The following ITGB5 variants were observed in gnomAD, a reference collection of about 807,000 sequenced individuals.
The protein encoded by ITGB5 is integrin beta-5.
ITGB5 carries 38 observed loss-of-function variants against 84.8 expected under a neutral mutation model. The observed-to-expected ratio is 0.45, with a 90% confidence interval of 0.35 to 0.59. The LOEUF is 0.59. ITGB5 is among the 20% of genes least tolerant of loss of function. The probability of loss-of-function intolerance (pLI) is 0.01; values close to 1 mark genes in which losing one functional copy is unlikely to be tolerated. For missense variants in ITGB5, 905 were observed against 1,034.5 expected (o/e 0.87, Z 1.72); for synonymous variants, 393 against 414.4 (o/e 0.95, Z 0.63).
At chr3:124,817,523 G>C (rs779865774) in intron 8 of ITGB5, 98 bp downstream of exon 8, 3 of 635,490 alleles carry the variant, frequency 4.7e-6, no homozygotes, top group Non-Finnish European at 8.3e-6. Flanking sequence ...AAGAAGAGCA[G>C]CACGGAGAAC....
chr3:124,875,837 AT>A (rs1242408770), intron 1 of ITGB5, among the ~76,000 whole-genome samples: 1 of 152,202 alleles, frequency 6.6e-6, no homozygotes, highest in Non-Finnish European at 1.5e-5. Context: ...AATTGAGAAA[AT>A]CCTGTCATTT....
At chr3:124,828,741 C>A (rs1294080191) in intron 5 of ITGB5, among the ~76,000 whole-genome samples, 4 of 152,190 alleles carry the variant, frequency 2.6e-5, no homozygotes, top group Non-Finnish European at 5.9e-5. Flanking sequence ...TGCTGGCCTC[C>A]CAAAGTGCTG....
intron 10 of ITGB5, among the ~76,000 whole-genome samples, chr3:124,775,145 C>T (rs2063905380): frequency 6.6e-6 from 1 of 152,118 alleles, no homozygotes; most frequent in African/African-American, 2.4e-5. Context: ...GCGGGGGCTG[C>T]CCCCACTCAG....
At chr3:124,794,325 C>G (rs2064190138) in intron 10 of ITGB5, among the ~76,000 whole-genome samples, 1 of 152,174 alleles carries the variant, frequency 6.6e-6, no homozygotes, top group Non-Finnish European at 1.5e-5. Context: ...AGTGTAAACT[C>G]CTGTGTTTAG....
chr3:124,825,426 A>T (rs9832902), intron 5 of ITGB5, among the ~76,000 whole-genome samples: 39 of 152,368 alleles, frequency 2.6e-4, no homozygotes, highest in Non-Finnish European at 3.8e-4. Context: ...ATTTGCAATC[A>T]TCATAAACTA....
chr3:124,864,878 G>T (rs916820947), intron 2 of ITGB5, among the ~76,000 whole-genome samples: 4 of 152,204 alleles, frequency 2.6e-5, no homozygotes, highest in African/African-American at 9.6e-5. Flanking sequence ...GTTCCAAGGG[G>T]AAGGGCCCTT....
intron 3 of ITGB5, among the ~76,000 whole-genome samples, chr3:124,852,131 T>TC (rs1308927088): frequency 6.6e-6 from 1 of 152,030 alleles, no homozygotes; most frequent in African/African-American, 2.4e-5. Flanking sequence ...AATCGCCACC[T>TC]CCCGCTGCCC....
chr3:124,841,879 C>T (rs1487203913), intron 4 of ITGB5, among the ~76,000 whole-genome samples: 1 of 152,114 alleles, frequency 6.6e-6, no homozygotes, highest in Non-Finnish European at 1.5e-5. Context: ...TATGTGGGAC[C>T]CGGGGTGTGG....
At chr3:124,890,193 T>A (rs895442566), upstream of ITGB5, among the ~76,000 whole-genome samples, 35 of 144,596 alleles carry the variant, frequency 2.4e-4, no homozygotes, top group Non-Finnish European at 3.9e-4. Context: ...AATTAGTACT[T>A]ATCTAGCTTT....
intron 4 of ITGB5, among the ~76,000 whole-genome samples, chr3:124,845,429 T>C (rs890885054): frequency 6.6e-6 from 1 of 152,262 alleles, no homozygotes; most frequent in African/African-American, 2.4e-5. Flanking sequence ...AGCCACAGTG[T>C]GCCCCCACGC....
chr3:124,797,222 T>C (rs1189601424), intron 9 of ITGB5, among the ~76,000 whole-genome samples: 2 of 152,200 alleles, frequency 1.3e-5, no homozygotes, highest in African/African-American at 4.8e-5. Flanking sequence ...AAAAAGTCAT[T>C]TGGTGGAAAA....
chr3:124,844,568 A>C (rs924594958), intron 4 of ITGB5, among the ~76,000 whole-genome samples: 1 of 152,120 alleles, frequency 6.6e-6, no homozygotes, highest in African/African-American at 2.4e-5. Flanking sequence ...TCAAAAAAAA[A>C]AGGTAGGAAA....
chr3:124,822,000 T>C (rs768890199), intron 5 of ITGB5, among the ~76,000 whole-genome samples: 1 of 152,220 alleles, frequency 6.6e-6, no homozygotes, highest in Non-Finnish European at 1.5e-5. Flanking sequence ...TTTTGAGGGT[T>C]TGTAAAACCT....
chr3:124,861,885 C>T (rs1433304229), intron 2 of ITGB5, among the ~76,000 whole-genome samples: 1 of 152,178 alleles, frequency 6.6e-6, no homozygotes, highest in African/African-American at 2.4e-5. Context: ...AAAAGCAGAA[C>T]TTTCTAAATG....
intron 10 of ITGB5, among the ~76,000 whole-genome samples, chr3:124,783,777 G>A (rs1449377970): frequency 6.6e-6 from 1 of 152,204 alleles, no homozygotes; most frequent in African/African-American, 2.4e-5. Flanking sequence ...CATGGTTGTG[G>A]TCACACTGAA....
intron 5 of ITGB5, among the ~76,000 whole-genome samples, chr3:124,833,243 C>G (rs1056778919): frequency 6.6e-5 from 10 of 152,326 alleles, no homozygotes; most frequent in African/African-American, 2.4e-4. Context: ...CATTTCTAAT[C>G]TGTACTCTGT....
intron 2 of ITGB5, among the ~76,000 whole-genome samples, chr3:124,863,792 G>A (rs530337069): frequency 4.6e-5 from 7 of 152,202 alleles, no homozygotes; most frequent in African/African-American, 1.7e-4. Flanking sequence ...GGGCTTACAG[G>A]CATAAGCCAC....
At chr3:124,799,009 G>A (rs1324319685) in intron 9 of ITGB5, among the ~76,000 whole-genome samples, 1 of 152,208 alleles carries the variant, frequency 6.6e-6, no homozygotes, top group Non-Finnish European at 1.5e-5. Flanking sequence ...GAGGCTTCTG[G>A]ATAGGTGAGC....
At chr3:124,778,821 A>G (rs1245779056) in intron 10 of ITGB5, among the ~76,000 whole-genome samples, 2 of 152,176 alleles carry the variant, frequency 1.3e-5, no homozygotes, top group South Asian at 2.1e-4. Flanking sequence ...GGGAGGAAGG[A>G]GAGGCTGGGC....
Sources: gnomAD v4.1 joint callset for allele counts (sites outside exome capture counted in the v4.1 genomes callset) on GRCh38, gnomAD v4.1.1 for gene constraint, MANE v1.5 for transcripts, NCBI Gene and HGNC (gene_info 2026-07-23, HGNC 2026-07-21) for gene names.